The following NRG1 variants were observed in gnomAD, a reference collection of about 807,000 sequenced individuals.
NRG1 encodes the protein pro-neuregulin-1, membrane-bound isoform.
In NRG1, 18 loss-of-function variants were observed where a neutral mutation model predicts 63.8. That is an observed-to-expected ratio of 0.28 (90% CI 0.19 to 0.42). The LOEUF is 0.42. Ranked by LOEUF, NRG1 falls within the 10% of genes least tolerant of loss-of-function variation. The probability of loss-of-function intolerance (pLI) is 1.00; values close to 1 mark genes in which losing one functional copy is unlikely to be tolerated. For missense variants in NRG1, 762 were observed against 814.7 expected, an observed-to-expected ratio of 0.94 and a Z score of 0.79; for synonymous variants, 302 against 301.3, an observed-to-expected ratio of 1.00 and a Z score of -0.02.
intron 1 of NRG1, among the ~76,000 whole-genome samples, chr8:31,688,492 G>A (rs187304788): frequency 4.9e-4 from 74 of 152,232 alleles, no homozygotes; most frequent in Non-Finnish European, 9.4e-4. Flanking sequence ...ACCCGTCAAC[G>A]ATATTGTCCT....
chr8:31,640,644 G>C lies in NRG1; in HGVS notation c.37+1213G>C, dbSNP rs753095379. The C allele has an allele frequency of 6.2e-7, 1 of 1,608,810 alleles. No homozygotes were observed. Among genetic ancestry groups the C allele is most frequent in the Admixed American group, 1.7e-5 (1 of 59,734 alleles). ...ACGCCAACAGCACCAGCCGCGCGCC[G>C]GCCGCCTTCCGAGCCTCTTTCCCCC... On this transcript the variant is annotated intron_variant, in intron 1 of 10. Transcript: ENST00000519301. The surrounding 1 kb of genome is among the most constrained non-coding windows in gnomAD (Gnocchi z 6.3).
At chr8:31,727,477 A>G (rs1241933652) in intron 1 of NRG1, among the ~76,000 whole-genome samples, 1 of 152,176 alleles carries the variant, frequency 6.6e-6, no homozygotes, top group Non-Finnish European at 1.5e-5. Context: ...AAATGGTTTG[A>G]TGAAAATTAA....
At chr8:32,370,944 G>T (rs1208748253) in intron 1 of NRG1, among the ~76,000 whole-genome samples, 1 of 150,754 alleles carries the variant, frequency 6.6e-6, no homozygotes, top group Admixed American at 6.6e-5. Context: ...AGCCGTGGTT[G>T]CTCATGCCTG....
intron 1 of NRG1, among the ~76,000 whole-genome samples, chr8:32,137,960 C>T (rs1835763429): frequency 6.6e-6 from 1 of 152,086 alleles, no homozygotes; most frequent in Admixed American, 6.6e-5. Context: ...TGCAAGTCAC[C>T]TAAAATATAT....
intron 7 of NRG1, among the ~76,000 whole-genome samples, chr8:32,743,573 CAT>C (rs71879821): frequency 0.26 from 29,177 of 113,688 alleles, 3,651 homozygotes; most frequent in South Asian, 0.35. Flanking sequence ...TAAGGCAAAA[CAT>C]ATATATATAT....
At chr8:31,707,703 C>G (rs981349935) in intron 1 of NRG1, among the ~76,000 whole-genome samples, 31 of 152,016 alleles carry the variant, frequency 2.0e-4, no homozygotes, top group African/African-American at 7.5e-4. Context: ...ACTTTATCAG[C>G]TTTATCTCTT....
intron 1 of NRG1, among the ~76,000 whole-genome samples, chr8:32,056,846 A>G (rs961648128): frequency 2.6e-5 from 4 of 152,196 alleles, no homozygotes; most frequent in Non-Finnish European, 5.9e-5. Context: ...TAAATTTTAA[A>G]AAATGCTAAA....
intron 7 of NRG1, chr8:32,749,779 G>A: frequency 1.6e-6 from 1 of 615,346 alleles, no homozygotes; most frequent in East Asian, 2.8e-5. Flanking sequence ...AGTGCAGCAG[G>A]TTTTAGATTC....
intron 1 of NRG1, among the ~76,000 whole-genome samples, chr8:32,385,439 T>G (rs150628780): frequency 0.012 from 1,840 of 152,270 alleles, 40 homozygotes; most frequent in African/African-American, 0.037. Flanking sequence ...TCCTGGAGAC[T>G]GGGTAATTTA....
In NRG1 at chr8:31,929,109, T is replaced by C. The variant is rs561300086; in HGVS notation, c.37+289678T>C. On this transcript the variant is annotated intron_variant, in intron 1 of 10. Transcript: ENST00000519301. ...GAGACAAGCTATGATCACATTGTTG[T>C]AGAGAACTGAGGTCCTTGGAAAATA... Among the ~76,000 whole-genome samples the C allele has an allele frequency of 3.3e-5, 5 of 152,332 alleles. No individual in the cohort carries two copies. The East Asian group carries it at 9.6e-4, about 29-fold the overall frequency.
chr8:32,395,115 T>C (rs1306365555), intron 1 of NRG1, among the ~76,000 whole-genome samples: 1 of 152,336 alleles, frequency 6.6e-6, no homozygotes, highest in East Asian at 1.9e-4. Context: ...GGTGACCTTT[T>C]TCACGTCCCC....
intron 1 of NRG1, among the ~76,000 whole-genome samples, chr8:32,066,443 A>T (rs574970374): frequency 6.6e-6 from 1 of 152,326 alleles, no homozygotes; most frequent in African/African-American, 2.4e-5. Flanking sequence ...TTAAATAGGG[A>T]ATCCTTTCCC....
chr8:32,642,747 T>C (rs1852666052), intron 5 of NRG1, among the ~76,000 whole-genome samples: 1 of 152,232 alleles, frequency 6.6e-6, no homozygotes, highest in Admixed American at 6.5e-5. Context: ...CCGTAAAATT[T>C]AGGAGCAAGA....
chr8:32,294,045 C>G (rs1369958425), intron 1 of NRG1, among the ~76,000 whole-genome samples: 1 of 151,986 alleles, frequency 6.6e-6, no homozygotes, highest in Admixed American at 6.6e-5. Context: ...TGACGGCCAT[C>G]CATGCTGGGG....
chr8:32,031,369 C>T (rs1383047112), intron 1 of NRG1, among the ~76,000 whole-genome samples: 2 of 152,208 alleles, frequency 1.3e-5, no homozygotes, highest in African/African-American at 4.8e-5. Flanking sequence ...AGCTGCTGCA[C>T]AGTCACTCCA....
At chr8:32,103,897 T>G (rs1019084740) in intron 1 of NRG1, among the ~76,000 whole-genome samples, 1 of 152,122 alleles carries the variant, frequency 6.6e-6, no homozygotes, top group Non-Finnish European at 1.5e-5. Flanking sequence ...TGCCCCTCCT[T>G]TATCTGTTGA....
chr8:32,669,234 A>G (rs1434611527), intron 5 of NRG1, among the ~76,000 whole-genome samples: 1 of 152,188 alleles, frequency 6.6e-6, no homozygotes, highest in Non-Finnish European at 1.5e-5. Context: ...CAAATAGCAA[A>G]AGATAGAATA....
At chr8:31,802,442 T>A (rs1052601595) in intron 1 of NRG1, among the ~76,000 whole-genome samples, 2 of 152,182 alleles carry the variant, frequency 1.3e-5, no homozygotes, top group Non-Finnish European at 2.9e-5. Flanking sequence ...CATTTGTTCA[T>A]AGAGGTATGA....
chr8:31,992,239 A>G (rs971602692), intron 1 of NRG1, among the ~76,000 whole-genome samples: 1 of 151,996 alleles, frequency 6.6e-6, no homozygotes, highest in African/African-American at 2.4e-5. Context: ...AATGGGAGGA[A>G]TTCAACTTTT....
Sources: allele counts gnomAD v4.1 joint callset (sites outside exome capture counted in the v4.1 genomes callset), GRCh38; gene constraint gnomAD v4.1.1; non-coding constraint Gnocchi (gnomAD v3.1); transcripts MANE v1.5; gene names NCBI Gene and HGNC (gene_info 2026-07-23, HGNC 2026-07-21).